Variants in AVEN observed in about 807,000 individuals in gnomAD.
AVEN encodes the protein cell death regulator Aven.
A neutral mutation model predicts 38.1 loss-of-function variants in AVEN; 41 were observed. The observed-to-expected ratio is 1.08, with a 90% CI of 0.84 to 1.40. AVEN has a LOEUF of 1.40. AVEN is among the 40% of genes most tolerant of loss of function. AVEN has a pLI of 0.00. For missense variants in AVEN, 605 were observed against 438.8 expected (o/e 1.38, Z -3.38); for synonymous variants, 206 against 171.8 (o/e 1.20, Z -1.56).
rs1473655817 is a variant in AVEN, at chr15:34,063,166, T to C, written n.1393A>G. 6.2e-7 allele frequency: 1 copy of C among 1,614,196 alleles called. No homozygotes were observed. The highest frequency in any genetic ancestry group is 8.5e-7 in the Non-Finnish European group (1 of 1,180,026). On this transcript the variant is annotated non_coding_transcript_exon_variant, in exon 5 of 12. Coordinates refer to the AVEN transcript ENST00000675287. The surrounding 1 kb of genome is among the most constrained non-coding windows in gnomAD (Gnocchi z 4.1). ...CGTACTCCGAAAAGGGCTGGCATCA[T>C]GATTGGCTTGGCCTGGCTGATCTCC...
chr15:33,860,789 CCTGTTCT>C, intron 11 of AVEN: 1 of 762,440 alleles, frequency 1.3e-6, no homozygotes. Context: ...TTTTCCATGC[CCTGTTCT>C]CTGCACCCTG....
upstream of AVEN, among the ~76,000 whole-genome samples, chr15:34,043,555 A>G (rs2248145): frequency 0.98 from 148,781 of 152,222 alleles, 72,804 homozygotes; most frequent in East Asian, 1. Flanking sequence ...ACAGGGGGAG[A>G]GACTCTGGCA....
chr15:33,958,991 A>G (rs1412144154), intron 2 of AVEN, among the ~76,000 whole-genome samples: 1 of 152,116 alleles, frequency 6.6e-6, no homozygotes, highest in African/African-American at 2.4e-5. Context: ...CTCTCAAGCC[A>G]TTGGTCTCCT....
intron 2 of AVEN, among the ~76,000 whole-genome samples, chr15:33,988,766 T>C (rs539798173): frequency 1.3e-5 from 2 of 152,350 alleles, no homozygotes; most frequent in African/African-American, 2.4e-5. Context: ...AAAAACTCCT[T>C]GATAAATGAC....
intron 2 of AVEN, among the ~76,000 whole-genome samples, chr15:33,898,576 G>C (rs1248169634): frequency 6.6e-6 from 1 of 152,156 alleles, no homozygotes; most frequent in Non-Finnish European, 1.5e-5. Flanking sequence ...TCTTCCCTGT[G>C]TCTCTGTCCA....
chr15:33,932,563 A>G (rs1893887725), intron 2 of AVEN, among the ~76,000 whole-genome samples: 1 of 152,214 alleles, frequency 6.6e-6, no homozygotes, highest in Non-Finnish European at 1.5e-5. Flanking sequence ...GCGGTGGCTC[A>G]CGCCTGTAAT....
exon 5 of AVEN, chr15:34,062,972 C>A: frequency 6.2e-7 from 1 of 1,614,002 alleles, no homozygotes; most frequent in Non-Finnish European, 8.5e-7. Context: ...TCTCCATGAA[C>A]CTCTACACCA....
intron 4 of AVEN, among the ~76,000 whole-genome samples, chr15:33,868,417 A>T (rs1273919324): frequency 6.6e-6 from 1 of 151,726 alleles, no homozygotes; most frequent in Non-Finnish European, 1.5e-5. Flanking sequence ...AGTGGTGGAG[A>T]GTGTCTAGTC....
chr15:34,063,918 A>G lies in AVEN; in HGVS notation n.1127-486T>C. The G allele has an allele frequency of 6.2e-7, 1 of 1,614,180 alleles. No individual in the cohort carries two copies. The highest frequency in any genetic ancestry group is 8.5e-7 in the Non-Finnish European group (1 of 1,180,030). ...GACCAACAATGGCTGTCACAAGGTGAAAATCATGCCCTGCCCCTTCCCAGT... is the reference window on the plus strand; with the variant it reads ...GACCAACAATGGCTGTCACAAGGTGGAAATCATGCCCTGCCCCTTCCCAGT... On this transcript the variant is annotated intron_variant and non_coding_transcript_variant, in intron 4 of 11. Transcript: ENST00000675287. This position sits in a 1 kb window ranked among gnomAD's most constrained non-coding sequence, Gnocchi z 4.1.
chr15:33,941,688 C>G (rs961340822), intron 2 of AVEN, among the ~76,000 whole-genome samples: 1 of 151,958 alleles, frequency 6.6e-6, no homozygotes, highest in Non-Finnish European at 1.5e-5. Flanking sequence ...GATGGACAAG[C>G]CTTAAGACAT....
At chr15:34,072,178 A>G (rs1597399388) in intron 1 of AVEN, among the ~76,000 whole-genome samples, 1 of 152,094 alleles carries the variant, frequency 6.6e-6, no homozygotes, top group Admixed American at 6.6e-5. Context: ...CTGAGGCGGG[A>G]GGAACTCTTG....
chr15:33,952,876 CTTCAT>C lies in AVEN; in HGVS notation c.445+50151_445+50155del, dbSNP rs529922167. On this transcript the variant is annotated intron_variant, in intron 2 of 5. Transcript: ENST00000306730. ...CTAAAGAGAAAAAAAAAAAAAAACA[CTTCAT>C]TTCAACAACACATAGATCCCTAAGC... is the stretch of plus-strand genomic sequence containing the variant. Among the ~76,000 whole-genome samples, 9 of 150,060 alleles carry C rather than the reference CTTCAT, an allele frequency of 6.0e-5. No homozygotes were observed. The South Asian group carries it at 1.1e-3, about 18-fold the overall frequency.
chr15:33,904,947 C>T (rs1892639815), intron 2 of AVEN, among the ~76,000 whole-genome samples: 2 of 151,334 alleles, frequency 1.3e-5, no homozygotes, highest in Non-Finnish European at 2.9e-5. Context: ...CTGGCCAACA[C>T]GGTGAAACCT....
At chr15:34,029,053 A>G (rs970853515) in intron 1 of AVEN, among the ~76,000 whole-genome samples, 4 of 152,144 alleles carry the variant, frequency 2.6e-5, no homozygotes, top group Non-Finnish European at 5.9e-5. Context: ...CTAATCCTCA[A>G]GTTTTCAGAG....
chr15:33,940,863 A>T (rs1894292674), intron 2 of AVEN, among the ~76,000 whole-genome samples: 1 of 152,210 alleles, frequency 6.6e-6, no homozygotes, highest in Non-Finnish European at 1.5e-5. Flanking sequence ...CTTATCGCTT[A>T]GGCTGAATAG....
chr15:34,003,049 A>C lies in AVEN; in HGVS notation c.428T>G (p.Val143Gly). ...ATTCATACCTGCAGAGCTAAGGAGG[A>C]CACTGAAATCTGTTCCCCTCTGTGA... ...GESQRGTDFSVLLSSAGDSFS... is the reference protein window; with the variant it reads ...GESQRGTDFSGLLSSAGDSFS... The change falls in exon 2 of 6, where the codon GTC (valine) becomes GGC (glycine). Residue 143 changes from valine to glycine, a missense_variant. Transcript: ENST00000306730. 1 of 1,613,826 alleles carries C rather than the reference A, an allele frequency of 6.2e-7. No individual in the cohort carries two copies.
chr15:34,051,920 A>G (rs1453834155), intron 5 of AVEN, among the ~76,000 whole-genome samples: 2 of 152,178 alleles, frequency 1.3e-5, no homozygotes, highest in African/African-American at 2.4e-5. Context: ...TACCACAGGT[A>G]CAAAGAGCTG....
chr15:33,932,156 G>A (rs1314982576), intron 2 of AVEN, among the ~76,000 whole-genome samples: 1 of 152,184 alleles, frequency 6.6e-6, no homozygotes, highest in African/African-American at 2.4e-5. Flanking sequence ...TAAAAGAAAT[G>A]AGCAGAACCT....
intron 2 of AVEN, among the ~76,000 whole-genome samples, chr15:33,904,465 G>A (rs1357444292): frequency 6.6e-6 from 1 of 152,122 alleles, no homozygotes; most frequent in Non-Finnish European, 1.5e-5. Context: ...AGGCTGGAGT[G>A]CAGTGGTATG....
Sources: allele counts gnomAD v4.1 joint callset (sites outside exome capture counted in the v4.1 genomes callset), GRCh38; gene constraint gnomAD v4.1.1; non-coding constraint Gnocchi (gnomAD v3.1); transcripts MANE v1.5; gene names NCBI Gene and HGNC (gene_info 2026-07-23, HGNC 2026-07-21).